The following LAMTOR1 variants were observed in gnomAD, a reference collection of about 807,000 sequenced individuals.
LAMTOR1 encodes ragulator complex protein LAMTOR1.
A neutral mutation model predicts 20.5 loss-of-function variants in LAMTOR1; 8 were observed. The observed-to-expected ratio is 0.39, with a 90% CI of 0.23 to 0.70. The LOEUF is 0.70. LAMTOR1 is among the 30% of genes least tolerant of loss of function. The pLI is 0.43. For missense variants in LAMTOR1, 135 were observed against 206.2 expected (o/e 0.65, Z 2.11); for synonymous variants, 77 against 80.9 (o/e 0.95, Z 0.26).
Position 72,097,581 on chromosome 11 carries a change from C to T in LAMTOR1, c.*241G>A. The T allele has an allele frequency of 2.2e-6, 3 of 1,334,800 alleles. No homozygotes were observed. Among genetic ancestry groups the T allele is most frequent in the East Asian group, 3.1e-5 (1 of 32,318 alleles). The allele number at this position is 1,334,800 out of a possible 1,614,324, so 82.7% of individuals were successfully genotyped here. ...CATTCTCAATGACTATGAAGACATA[C>T]CAGGCTCTGTCCTTTTGGCCCCCAC... On this transcript the variant is annotated 3_prime_UTR_variant, in exon 5 of 5. Coordinates refer to ENST00000278671, the MANE Select transcript of LAMTOR1 (RefSeq NM_017907.3).
Position 72,097,348 on chromosome 11 carries a change from CAT to C in LAMTOR1, c.*472_*473del, listed in dbSNP as rs1471140938. 5 of 995,512 alleles carry C rather than the reference CAT, an allele frequency of 5.0e-6. No homozygotes were observed. The highest frequency in any genetic ancestry group is 4.8e-6 in the Non-Finnish European group (4 of 835,348). The allele number at this position is 995,512 out of a possible 1,614,324, so 61.7% of individuals were successfully genotyped here. On this transcript the variant is annotated 3_prime_UTR_variant, in exon 5 of 5. Coordinates refer to ENST00000278671, the MANE Select transcript of LAMTOR1 (RefSeq NM_017907.3). ...CAAACCAAAACAAAAAAAGACCAAA[CAT>C]GTAAAAACCCAGGGTTCTAGAAATA... is the stretch of plus-strand genomic sequence containing the variant.
chr11:72,103,103 G>C, intron 1 of LAMTOR1, 80 bp downstream of exon 1: 2 of 1,516,494 alleles, frequency 1.3e-6, no homozygotes, highest in South Asian at 1.2e-5. Flanking sequence ...CCGGCTGCCC[G>C]TCCTCCGCAG....
chr11:72,098,640 A>C, intron 3 of LAMTOR1, 141 bp downstream of exon 3: 1 of 784,312 alleles, frequency 1.3e-6, no homozygotes, highest in East Asian at 2.7e-5. Flanking sequence ...TAACTACTGA[A>C]GCACCCAAGT....
rs562041040 is a variant in LAMTOR1, at chr11:72,098,478, G to GT, written c.267-64dup. ...CCACAGTCTGCCCTGCCCAGCCCAG[G>GT]TAAGCCTCATCCCCTCAGGCCAGAG... On this transcript the variant is annotated intron_variant, in intron 3 of 4. Coordinates refer to ENST00000278671, the MANE Select transcript of LAMTOR1 (RefSeq NM_017907.3). The GT allele has an allele frequency of 2.2e-3, 3,482 of 1,552,882 alleles. 1 individual carries two copies. Among genetic ancestry groups the GT allele is most frequent in the Non-Finnish European group, 2.8e-3 (3,171 of 1,146,448 alleles).
intron 1 of LAMTOR1, 150 bp downstream of exon 1, chr11:72,103,033 C>A: frequency 9.3e-7 from 1 of 1,076,634 alleles, no homozygotes; most frequent in Non-Finnish European, 1.4e-6. Flanking sequence ...AGGAGCCCGG[C>A]TTGGCGTCTC....
intron 3 of LAMTOR1, 33 bp downstream of exon 3, chr11:72,098,747 TA>T: frequency 4.8e-6 from 7 of 1,456,608 alleles, no homozygotes; most frequent in Non-Finnish European, 5.5e-6. Flanking sequence ...GGAGCCCAAG[TA>T]GCCTGAGGGA....
intron 3 of LAMTOR1, 120 bp downstream of exon 3, chr11:72,098,661 C>T (rs1945324976): frequency 1.2e-6 from 1 of 811,792 alleles, no homozygotes; most frequent in African/African-American, 1.7e-5. Flanking sequence ...GATCTGTGGT[C>T]AGTCTCCAGG....
chr11:72,102,379 A>T (rs987232962), intron 1 of LAMTOR1, among the ~76,000 whole-genome samples: 6 of 152,164 alleles, frequency 3.9e-5, no homozygotes, highest in Admixed American at 2.6e-4. Context: ...AGAATGCACT[A>T]AGAGGAAGAG....
chr11:72,098,622 G>A (rs953634201), intron 3 of LAMTOR1, 159 bp downstream of exon 3: 24 of 790,056 alleles, frequency 3.0e-5, no homozygotes, highest in Non-Finnish European at 4.4e-5. Context: ...AAACAGGGCT[G>A]ACATGAATAA....
At chr11:72,101,209 A>C (rs1173792656) in intron 1 of LAMTOR1, among the ~76,000 whole-genome samples, 1 of 152,256 alleles carries the variant, frequency 6.6e-6, no homozygotes, top group African/African-American at 2.4e-5. Context: ...AGAAGAGGCC[A>C]TGCTACCTAC....
intron 1 of LAMTOR1, 125 bp from the exon 2 acceptor site, chr11:72,099,381 G>A: frequency 9.4e-7 from 1 of 1,068,698 alleles, no homozygotes; most frequent in Non-Finnish European, 1.3e-6. Context: ...TATCTAAAGT[G>A]CCCAGCTTTA....
At chr11:72,097,986 G>A (rs1945289735) in intron 4 of LAMTOR1, 72 bp from the exon 5 acceptor site, 3 of 1,503,350 alleles carry the variant, frequency 2.0e-6, no homozygotes, top group Admixed American at 4.2e-5. Context: ...AAATGGGGAG[G>A]GGAGATTAGA....
rs773444773 is a variant in LAMTOR1 at position 72,098,426 on chromosome 11, G to GA, written c.267-12dup. 4 of 1,606,446 alleles carry GA rather than the reference G, an allele frequency of 2.5e-6. No individual in the cohort carries two copies. The highest frequency in any genetic ancestry group is 1.3e-5 in the African/African-American group (1 of 74,842). ...ACAGCCAAGCGGGTGCTGACCAAGA[G>GA]AGAGGGGGTGGGGGTAGGCAGTTAA... On this transcript the variant is annotated splice_polypyrimidine_tract_variant and intron_variant, in intron 3 of 4. Coordinates refer to ENST00000278671, the MANE Select transcript of LAMTOR1 (RefSeq NM_017907.3).
chr11:72,099,235 G>A lies in LAMTOR1; in HGVS notation c.64C>T (p.Leu22=), dbSNP rs754077721. Residue 22 remains leucine (L), a synonymous_variant, in exon 2 of 5, where the codon CTG becomes TTG. Transcript: ENST00000278671. ...SDQDREERKL[L]LDPSSPPTKA... Reference sequence around the variant, plus strand: ...GTAGGGGGGCTGCTAGGGTCCAGCAGCAGCTTCCGCTCCTCTCGGTCCTAG... The same window carrying A: ...GTAGGGGGGCTGCTAGGGTCCAGCAACAGCTTCCGCTCCTCTCGGTCCTAG... The A allele has an allele frequency of 5.0e-5, 80 of 1,591,988 alleles. No individual in the cohort carries two copies. Among genetic ancestry groups the A allele is most frequent in the Middle Eastern group, 1.7e-4 (1 of 5,938 alleles).
Position 72,097,931 on chromosome 11 carries a change from C to G in LAMTOR1, c.394-17G>C, listed in dbSNP as rs200535204. 2.0e-4 allele frequency: 313 copies of G among 1,570,446 alleles called. 2 individuals carry two copies. The East Asian group carries it at 7.0e-3, about 35-fold the overall frequency. The stretch of plus-strand genomic sequence containing the variant: ...CCTGGAGACCTGAGACAGAGAGGGG[C>G]CGGGGAGGAGAGGAACAGAGACAGG... On this transcript the variant is annotated splice_polypyrimidine_tract_variant and intron_variant, in intron 4 of 4. Coordinates refer to ENST00000278671, the MANE Select transcript of LAMTOR1 (RefSeq NM_017907.3).
chr11:72,102,989 G>A (rs939385858), intron 1 of LAMTOR1, among the ~76,000 whole-genome samples, 194 bp downstream of exon 1: 1 of 152,244 alleles, frequency 6.6e-6, no homozygotes, highest in Non-Finnish European at 1.5e-5. Flanking sequence ...CCCGAGGCGG[G>A]GACTGTGTAG....
At chr11:72,099,371 T>C in intron 1 of LAMTOR1, 115 bp from the exon 2 acceptor site, 15 of 1,167,300 alleles carry the variant, frequency 1.3e-5, no homozygotes, top group Non-Finnish European at 1.8e-5. Context: ...CTATAAGGAA[T>C]ATCTAAAGTG....
intron 1 of LAMTOR1, 93 bp downstream of exon 1, chr11:72,103,090 A>G (rs1013649558): frequency 1.4e-6 from 2 of 1,464,418 alleles, no homozygotes; most frequent in Non-Finnish European, 1.9e-6. Context: ...TGAGCCCTGC[A>G]GTCCGGCTGC....
At chr11:72,102,389 G>A (rs1945476401) in intron 1 of LAMTOR1, among the ~76,000 whole-genome samples, 1 of 152,184 alleles carries the variant, frequency 6.6e-6, no homozygotes, top group Admixed American at 6.5e-5. Context: ...AAGAGGAAGA[G>A]GGAGAATTTA....
Sources: allele counts gnomAD v4.1 joint callset (sites outside exome capture counted in the v4.1 genomes callset), GRCh38; gene constraint gnomAD v4.1.1; transcripts MANE v1.5; gene names NCBI Gene and HGNC (gene_info 2026-07-23, HGNC 2026-07-21).